Variants in TRAPPC11 observed in about 807,000 individuals in gnomAD.
The protein encoded by TRAPPC11 is trafficking protein particle complex subunit 11, also known as foie gras homolog.
In TRAPPC11, 104 loss-of-function variants were observed where a neutral mutation model predicts 151.2. The observed-to-expected ratio is 0.69, with a 90% CI of 0.59 to 0.81. The LOEUF is 0.81. TRAPPC11 is among the 30% of genes least tolerant of loss of function. The pLI is 0.00. For synonymous variants in TRAPPC11, 456 were observed against 472.3 expected, an observed-to-expected ratio of 0.97 and a Z score of 0.45; for missense variants, 1,230 against 1,349.6, an observed-to-expected ratio of 0.91 and a Z score of 1.39.
At chr4:183,699,086 A>G (rs1380036623) in intron 25 of TRAPPC11, among the ~76,000 whole-genome samples, 1 of 152,072 alleles carries the variant, frequency 6.6e-6, no homozygotes, top group Admixed American at 6.6e-5. Context: ...ACTGGACCTC[A>G]CCTGGTCAGG....
At chr4:183,704,349 C>T (rs1225701565) in intron 26 of TRAPPC11, among the ~76,000 whole-genome samples, 6 of 151,916 alleles carry the variant, frequency 3.9e-5, no homozygotes, top group African/African-American at 9.7e-5. Flanking sequence ...GGCAGAACCT[C>T]GTCTCTGCTA....
At chr4:183,676,909 C>T (rs781314641) in intron 7 of TRAPPC11, among the ~76,000 whole-genome samples, 1 of 152,124 alleles carries the variant, frequency 6.6e-6, no homozygotes, top group Non-Finnish European at 1.5e-5. Context: ...GGATTACAGG[C>T]TTGTGCTACC....
At chr4:183,693,807 C>T in intron 21 of TRAPPC11, 70 bp downstream of exon 21, 1 of 1,597,000 alleles carries the variant, frequency 6.3e-7, no homozygotes, top group Non-Finnish European at 8.5e-7. Flanking sequence ...GATGTCAACT[C>T]TAGGACTTTT....
chr4:183,687,860 T>G (rs1736059904), intron 18 of TRAPPC11, among the ~76,000 whole-genome samples: 1 of 152,218 alleles, frequency 6.6e-6, no homozygotes, highest in African/African-American at 2.4e-5. Flanking sequence ...CCACACACCC[T>G]CTACGTTAAC....
At chr4:183,691,016 G>A (rs534487137) in intron 18 of TRAPPC11, among the ~76,000 whole-genome samples, 3 of 152,222 alleles carry the variant, frequency 2.0e-5, no homozygotes, top group African/African-American at 7.2e-5. Context: ...AGTAAAAAAA[G>A]GCTCTTCAAG....
At chr4:183,668,546 ATT>A (rs149579362) in intron 5 of TRAPPC11, among the ~76,000 whole-genome samples, 14,222 of 152,194 alleles carry the variant, frequency 0.093, 785 homozygotes, top group Admixed American at 0.13. Flanking sequence ...CTTTCCAGTA[ATT>A]ACCCATGTCC....
rs777665697 is a variant in TRAPPC11, at chr4:183,694,000, A to G, written c.2470A>G (p.Thr824Ala). ...TGATGAATCCTACCCGGCTTTACTC[A>G]CTGACATTCCTGTTGGAGACTTACA... ...LCDESYPALL[T>A]DIPVGDLHPG... The change falls in exon 22 of 30, where the codon ACT (threonine) becomes GCT (alanine). Residue 824 changes from threonine to alanine, a missense_variant. Coordinates refer to ENST00000334690, the MANE Select transcript of TRAPPC11 (RefSeq NM_021942.6). The G allele has an allele frequency of 1.9e-6, 3 of 1,614,018 alleles. No homozygotes were observed. The South Asian group carries it at 3.3e-5, about 18-fold the overall frequency.
chr4:183,688,298 A>G (rs1736088220), intron 18 of TRAPPC11, among the ~76,000 whole-genome samples: 1 of 152,160 alleles, frequency 6.6e-6, no homozygotes, highest in Non-Finnish European at 1.5e-5. Context: ...ATGAAGATGA[A>G]ATTACGATAG....
rs571923146 is a variant in TRAPPC11 at position 183,679,973 on chromosome 4, C to A, written c.966-147C>A. ...TACAGTTAGTGTGTATTAATATTTACAAAGAAATTAGAACAAATATTAACT... is the reference window on the plus strand; with the variant it reads ...TACAGTTAGTGTGTATTAATATTTAAAAAGAAATTAGAACAAATATTAACT... On this transcript the variant is annotated intron_variant, in intron 9 of 29. Coordinates refer to ENST00000334690, the MANE Select transcript of TRAPPC11 (RefSeq NM_021942.6). 12 of 653,818 alleles carry A rather than the reference C, an allele frequency of 1.8e-5. No homozygotes were observed. The African/African-American group carries it at 2.2e-4, about 12-fold the overall frequency. 40.5% of individuals were successfully genotyped at this position (653,818 alleles called of 1,614,324 possible). A position where few individuals can be genotyped will look rare whatever the true frequency, so the allele number is the denominator to read the frequency against.
Position 183,697,565 on chromosome 4 carries a change from C to T in TRAPPC11, c.2691C>T (p.Thr897=), listed in dbSNP as rs1235827410. Residue 897 remains threonine, a synonymous_variant, in exon 24 of 30, where the codon ACC becomes ACT. Coordinates refer to ENST00000334690, the MANE Select transcript of TRAPPC11 (RefSeq NM_021942.6). ...PFDVAVKFVS[T]KFEHLERVYA... is the part of the protein sequence containing the mutation. ...ATGTTGCGGTTAAATTTGTTTCTAC[C>T]AAGGTATGTTTCTTTGAGGCATACT... 4 of 1,602,376 alleles carry T rather than the reference C, an allele frequency of 2.5e-6. No individual in the cohort carries two copies. Among genetic ancestry groups the T allele is most frequent in the Admixed American group, 1.8e-5 (1 of 55,940 alleles).
Position 183,679,452 on chromosome 4 carries a change from C to G in TRAPPC11, c.931C>G (p.Leu311Val), listed in dbSNP as rs148833310. 1,361 of 1,612,098 alleles carry G rather than the reference C, an allele frequency of 8.4e-4. No homozygotes were observed. Among genetic ancestry groups the G allele is most frequent in the Non-Finnish European group, 1.0e-3 (1,226 of 1,179,164 alleles). The stretch of plus-strand genomic sequence containing the variant: ...TAAGAAAAAGATTGGAAGTGCAGAG[C>G]TGTCTTTTGAGCATGATGCATGGAT... ...LCKKKIGSAE[L>V]SFEHDAWMSK... is the part of the protein sequence containing the mutation. The change falls in exon 9 of 30, where the codon CTG becomes GTG. Residue 311 changes from leucine to valine, a missense_variant. Coordinates refer to ENST00000334690, the MANE Select transcript of TRAPPC11 (RefSeq NM_021942.6).
chr4:183,693,271 A>C (rs1483021065), intron 20 of TRAPPC11, 124 bp downstream of exon 20: 3 of 945,890 alleles, frequency 3.2e-6, no homozygotes, highest in Non-Finnish European at 4.6e-6. Flanking sequence ...GACTCACTGT[A>C]GCCTTGACCA....
Position 183,680,247 on chromosome 4 carries a change from A to G in TRAPPC11, c.1093A>G (p.Lys365Glu). The G allele has an allele frequency of 1.2e-6, 2 of 1,613,928 alleles. No individual in the cohort carries two copies. Among genetic ancestry groups the G allele is most frequent in the Non-Finnish European group, 1.7e-6 (2 of 1,179,942 alleles). The change falls in exon 10 of 30, where the codon AAA (lysine) becomes GAA (glutamate). Residue 365 changes from lysine to glutamate, a missense_variant. Coordinates refer to ENST00000334690, the MANE Select transcript of TRAPPC11 (RefSeq NM_021942.6). ...TGCCCAGGAGCGGAAACAGCTTGCA[A>G]AAACCCTCTGTAACCACGAAGTAAG... ...YYAQERKQLA[K>E]TLCNHEASVM...
At chr4:183,697,419 G>C in intron 23 of TRAPPC11, 84 bp from the exon 24 acceptor site, 1 of 1,230,856 alleles carries the variant, frequency 8.1e-7, no homozygotes, top group Non-Finnish European at 1.1e-6. Context: ...ATTATTTATT[G>C]ATCAGTGATA....
chr4:183,660,264 A>G (rs1734404901), intron 1 of TRAPPC11, among the ~76,000 whole-genome samples: 3 of 152,226 alleles, frequency 2.0e-5, no homozygotes, highest in Non-Finnish European at 4.4e-5. Flanking sequence ...CACATTTCCC[A>G]TAATTTAGAT....
intron 5 of TRAPPC11, among the ~76,000 whole-genome samples, chr4:183,674,046 T>C (rs1240056255): frequency 2.6e-5 from 4 of 152,192 alleles, no homozygotes; most frequent in Non-Finnish European, 5.9e-5. Flanking sequence ...TCTAATTGAT[T>C]AATAATTTTT....
Position 183,685,295 on chromosome 4 carries a change from G to T in TRAPPC11, c.1654G>T (p.Asp552Tyr). ...LMNESPDPEP[D>Y]CDILAVKTAQ... ...GAATGAAAGTCCTGATCCAGAACCC[G>T]ACTGTGATATCTTAGCTGTGAAAAC... is the stretch of plus-strand genomic sequence containing the variant. The change falls in exon 17 of 30, where the codon GAC (aspartate) becomes TAC (tyrosine). Residue 552 changes from aspartate (D) to tyrosine (Y), a missense_variant. Physicochemically the swap from Asp to Tyr is radical, Grantham distance 160. Transcript: ENST00000334690. The T allele has an allele frequency of 1.2e-6, 2 of 1,614,046 alleles. No homozygotes were observed. The highest frequency in any genetic ancestry group is 1.1e-5 in the South Asian group (1 of 91,076).
intron 11 of TRAPPC11, 84 bp downstream of exon 11, chr4:183,682,909 C>G (rs1269694854): frequency 1.1e-6 from 1 of 892,142 alleles, no homozygotes; most frequent in African/African-American, 1.7e-5. Flanking sequence ...GCTGCACATG[C>G]ATAAGAAATT....
At chr4:183,659,688 T>C (rs917020141) in intron 1 of TRAPPC11, among the ~76,000 whole-genome samples, 4 of 152,182 alleles carry the variant, frequency 2.6e-5, no homozygotes, top group African/African-American at 4.8e-5. Context: ...TTCTCTACCT[T>C]TCCTCACTGG....
Sources: allele counts gnomAD v4.1 joint callset (sites outside exome capture counted in the v4.1 genomes callset), GRCh38; gene constraint gnomAD v4.1.1; transcripts MANE v1.5; gene names NCBI Gene and HGNC (gene_info 2026-07-23, HGNC 2026-07-21).